Variants in TSGA10 observed in about 807,000 individuals in gnomAD.
TSGA10 encodes testis-specific gene 10 protein.
In TSGA10, 43 loss-of-function variants were observed where a neutral mutation model predicts 96.6. The observed-to-expected ratio is 0.44, with a 90% CI of 0.35 to 0.57. The LOEUF (loss-of-function observed/expected upper bound fraction) is 0.57, where lower values mean the gene tolerates loss of function less well. TSGA10 is among the 20% of genes least tolerant of loss of function. The pLI is 0.01. For missense variants in TSGA10, 703 were observed against 834.4 expected, an observed-to-expected ratio of 0.84 and a Z score of 1.94; for synonymous variants, 229 against 269.9, an observed-to-expected ratio of 0.85 and a Z score of 1.48.
intron 1 of TSGA10, among the ~76,000 whole-genome samples, chr2:99,128,385 T>G (rs928152878): frequency 5.3e-5 from 8 of 152,238 alleles, no homozygotes; most frequent in African/African-American, 1.9e-4. Context: ...CTACCATTTC[T>G]TACATGGTTT....
At chr2:99,102,508 C>T in intron 10 of TSGA10, 10 of 1,614,060 alleles carry the variant, frequency 6.2e-6, no homozygotes, top group Non-Finnish European at 8.5e-6. Context: ...TGTGACCCGG[C>T]TCCATTTTAC....
intron 3 of TSGA10, among the ~76,000 whole-genome samples, chr2:99,118,119 C>A (rs761152529): frequency 2.6e-5 from 4 of 151,864 alleles, no homozygotes; most frequent in Non-Finnish European, 4.4e-5. Flanking sequence ...ATTAAGAGTT[C>A]TTTTAATTAA....
chr2:99,104,622 A>G (rs955790640), intron 9 of TSGA10, among the ~76,000 whole-genome samples: 60 of 152,076 alleles, frequency 3.9e-4, no homozygotes, highest in Middle Eastern at 3.4e-3. Context: ...CTACAGGCGC[A>G]TGCCACCACA....
chr2:99,070,089 A>T (rs1014919504), intron 14 of TSGA10, among the ~76,000 whole-genome samples: 4 of 152,178 alleles, frequency 2.6e-5, no homozygotes, highest in African/African-American at 9.6e-5. Flanking sequence ...AACGAAGAAA[A>T]AACTACTTTT....
chr2:99,061,085 CT>C (rs2084639802), intron 16 of TSGA10, among the ~76,000 whole-genome samples: 1 of 152,160 alleles, frequency 6.6e-6, no homozygotes, highest in African/African-American at 2.4e-5. Context: ...AAAACTTCTG[CT>C]CTTAGAATGA....
At position 99,071,882 on chromosome 2, in the gene TSGA10, A is replaced by G; in HGVS notation, c.939-8T>C. The G allele has an allele frequency of 6.2e-7, 1 of 1,606,724 alleles. No homozygotes were observed. Among genetic ancestry groups the G allele is most frequent in the Non-Finnish European group, 8.5e-7 (1 of 1,177,104 alleles). On this transcript the variant is annotated splice_polypyrimidine_tract_variant and splice_region_variant and intron_variant, in intron 13 of 20. Coordinates refer to ENST00000393483, the MANE Select transcript of TSGA10 (RefSeq NM_025244.4). ...AGGGCCTCAGTACACTGTCTATTCC[A>G]CAAATCAAAGAGTACATAAGAAGAG...
intron 1 of TSGA10, 92 bp from the exon 2 acceptor site, chr2:99,127,268 T>C: frequency 1.9e-6 from 2 of 1,026,378 alleles, no homozygotes; most frequent in Non-Finnish European, 1.2e-6. Context: ...ATTGATAATA[T>C]TCTTAGATTT....
At chr2:99,034,081 T>C (rs1010433082) in intron 17 of TSGA10, among the ~76,000 whole-genome samples, 13 of 152,160 alleles carry the variant, frequency 8.5e-5, no homozygotes, top group African/African-American at 1.7e-4. Context: ...GCTAGGTGAA[T>C]TGACTTTATC....
At chr2:99,125,284 T>C (rs937799058) in intron 2 of TSGA10, 1 of 152,206 alleles carries the variant, frequency 6.6e-6, no homozygotes, top group African/African-American at 2.4e-5. Context: ...TTGAAAGATA[T>C]CTTGGTTGCT....
At chr2:99,033,489 C>G (rs2081322666) in intron 17 of TSGA10, among the ~76,000 whole-genome samples, 1 of 152,220 alleles carries the variant, frequency 6.6e-6, no homozygotes, top group African/African-American at 2.4e-5. Context: ...ATGACCTATA[C>G]AGCCTGCTCA....
chr2:99,122,297 C>T (rs2092612782), intron 2 of TSGA10, among the ~76,000 whole-genome samples: 1 of 151,810 alleles, frequency 6.6e-6, no homozygotes, highest in Non-Finnish European at 1.5e-5. Context: ...CTTTTTCTAC[C>T]AGTTGTTCTA....
chr2:99,130,413 T>A (rs1256186148), intron 1 of TSGA10, among the ~76,000 whole-genome samples: 2 of 152,254 alleles, frequency 1.3e-5, no homozygotes. Flanking sequence ...GTTCGCTGCA[T>A]AAATGTCTTC....
chr2:99,034,786 C>T (rs1308082626), intron 17 of TSGA10, among the ~76,000 whole-genome samples: 2 of 152,036 alleles, frequency 1.3e-5, no homozygotes, highest in African/African-American at 2.4e-5. Context: ...TCCCTGAGGA[C>T]AGGAACCTAT....
chr2:99,108,954 G>C lies in TSGA10; in HGVS notation c.89C>G (p.Thr30Arg). Residue 30 changes from threonine to arginine, a missense_variant, in exon 7 of 21, where the codon ACA (threonine) becomes AGA (arginine). By Grantham distance (71) the Thr-to-Arg change is moderately conservative. Around this residue, in one of 3 missense-constraint regions of TSGA10, gnomAD observed 585 missense variants for 656.8 expected, o/e 0.89. Transcript: ENST00000393483. ...GCATTTAAGTTCTTCACGATCTCTT[G>C]TTGTTGTCTTCAAAAGTTCTACATC... ...NCDVELLKTT[T>R]RDREELKCML... 6.3e-7 allele frequency: 1 copy of C among 1,594,630 alleles called. No homozygotes were observed. Among genetic ancestry groups the C allele is most frequent in the Non-Finnish European group, 8.5e-7 (1 of 1,174,576 alleles).
At chr2:99,000,550 G>A (rs911397674) in intron 20 of TSGA10, among the ~76,000 whole-genome samples, 16 of 151,244 alleles carry the variant, frequency 1.1e-4, no homozygotes, top group Admixed American at 6.6e-4. Context: ...CAAGATGGTC[G>A]AATAGGAAGA....
chr2:99,094,452 A>G (rs2089774272), intron 10 of TSGA10, among the ~76,000 whole-genome samples: 1 of 152,236 alleles, frequency 6.6e-6, no homozygotes, highest in Non-Finnish European at 1.5e-5. Flanking sequence ...CACTCAGCAG[A>G]GTAAACAGAA....
At chr2:99,084,955 G>C (rs185163424) in intron 10 of TSGA10, among the ~76,000 whole-genome samples, 1 of 151,722 alleles carries the variant, frequency 6.6e-6, no homozygotes, top group East Asian at 2.0e-4. Flanking sequence ...TGGTATATTA[G>C]AATAAGTGCA....
chr2:99,034,015 A>C (rs181338779), intron 17 of TSGA10, among the ~76,000 whole-genome samples: 15 of 152,270 alleles, frequency 9.9e-5, no homozygotes, highest in Admixed American at 5.2e-4. Context: ...TTACTTCCCA[A>C]TCACAAAAGA....
At chr2:99,075,515 T>C (rs1303407927) in intron 12 of TSGA10, among the ~76,000 whole-genome samples, 3 of 152,210 alleles carry the variant, frequency 2.0e-5, no homozygotes, top group Non-Finnish European at 4.4e-5. Flanking sequence ...TTCACTATAA[T>C]GTAGACTTTT....
Sources: allele counts gnomAD v4.1 joint callset (sites outside exome capture counted in the v4.1 genomes callset), GRCh38; gene constraint gnomAD v4.1.1; regional missense constraint gnomAD v4.1.1; transcripts MANE v1.5; gene names NCBI Gene and HGNC (gene_info 2026-07-23, HGNC 2026-07-21).